CAPN11: variants seen among roughly 807,000 people sequenced by gnomAD.
CAPN11 encodes calpain-11.
CAPN11 carries 108 observed loss-of-function variants against 105.3 expected under a neutral mutation model. The observed-to-expected ratio is 1.03, with a 90% CI of 0.88 to 1.20. CAPN11 has a LOEUF of 1.20. Among genes scored for constraint, CAPN11 ranks in the 50% most tolerant of loss-of-function variants. The probability of loss-of-function intolerance (pLI) is 0.00; values close to 1 mark genes in which losing one functional copy is unlikely to be tolerated. For synonymous variants in CAPN11, 329 were observed against 344.5 expected, an observed-to-expected ratio of 0.96 and a Z score of 0.50; for missense variants, 883 against 924.8, an observed-to-expected ratio of 0.95 and a Z score of 0.59.
intron 2 of CAPN11, chr6:44,168,848 T>C (rs1770466890): frequency 8.3e-6 from 3 of 360,682 alleles, no homozygotes; most frequent in Non-Finnish European, 1.7e-5. Context: ...CTCGAACTCC[T>C]GACCTCAGGT....
intron 4 of CAPN11, among the ~76,000 whole-genome samples, chr6:44,171,877 C>G (rs1174634679): frequency 6.6e-6 from 1 of 152,124 alleles, no homozygotes; most frequent in Non-Finnish European, 1.5e-5. Context: ...ACCAGCGTGG[C>G]CAACATGGTG....
intron 2 of CAPN11, 118 bp from the exon 3 acceptor site, chr6:44,169,163 G>A: frequency 8.4e-7 from 1 of 1,195,692 alleles, no homozygotes; most frequent in Non-Finnish European, 1.2e-6. Flanking sequence ...CAAACTCCTA[G>A]GCTGAAGAGA....
intron 1 of CAPN11, among the ~76,000 whole-genome samples, chr6:44,163,646 C>T (rs1175817070): frequency 2.6e-5 from 4 of 152,170 alleles, no homozygotes; most frequent in Non-Finnish European, 4.4e-5. Context: ...TAATGCACAT[C>T]GGGTGTTTAG....
At chr6:44,161,761 A>G (rs1405348604) in intron 1 of CAPN11, 1 of 455,932 alleles carries the variant, frequency 2.2e-6, no homozygotes, top group African/African-American at 2.0e-5. Context: ...AGTCTTCTCA[A>G]ACAACAGCAT....
In CAPN11 at chr6:44,174,557, GA is replaced by G. The variant is rs372510953; in HGVS notation, c.831+1182del. 2.9e-3 allele frequency among the ~76,000 whole-genome samples: 210 copies of G among 72,970 alleles called. 1 individual carries two copies. Among genetic ancestry groups the G allele is most frequent in the African/African-American group, 8.1e-3 (163 of 20,048 alleles). The allele number at this position is 72,970 out of a possible 152,430, so 47.9% of individuals were successfully genotyped here. The stretch of plus-strand genomic sequence containing the variant: ...AAGAAATTAATTAGCTGAGAAAAAA[GA>G]AAAAAAAAAAGACAATCCCCTCCAA... On this transcript the variant is annotated intron_variant, in intron 7 of 22. Transcript: ENST00000398776.
At chr6:44,162,640 G>T (rs1282323010) in intron 1 of CAPN11, among the ~76,000 whole-genome samples, 2 of 152,140 alleles carry the variant, frequency 1.3e-5, no homozygotes, top group African/African-American at 4.8e-5. Flanking sequence ...GATGTGCTTA[G>T]AATAGGGAAA....
rs147927460 is a variant in CAPN11, at chr6:44,180,974, C to T, written c.1846C>T (p.Arg616Cys). 2.1e-4 allele frequency: 339 copies of T among 1,613,534 alleles called. No homozygotes were observed. The African/African-American group carries it at 3.7e-3, about 18-fold the overall frequency. The change falls in exon 18 of 23, where the codon CGC becomes TGC. Residue 616 changes from arginine (R) to cysteine (C), a missense_variant. Transcript: ENST00000398776. The stretch of plus-strand genomic sequence containing the variant: ...CAAGGGCTTTGGCCTGGATGCTTGC[C>T]GCTGCATGATCAACCTCATGGATGT... ...KTKGFGLDAC[R>C]CMINLMDKDG...
At position 44,176,307 on chromosome 6, in the gene CAPN11, C is replaced by T. The variant is rs755859337; in HGVS notation, c.970C>T (p.Arg324Trp). ...GATTCGGGTCCGGAATCCCTGGGGC[C>T]GGATTGAGTGGAATGGAGCTTGGAG... ...TLIRVRNPWG[R>W]IEWNGAWSDS... is the part of the protein sequence containing the mutation. Residue 324 changes from arginine to tryptophan, a missense_variant, in exon 9 of 23, where the codon CGG (arginine) becomes TGG (tryptophan). Arg to Trp is a moderately radical substitution (Grantham distance 101). Transcript: ENST00000398776. 9.3e-6 allele frequency: 15 copies of T among 1,613,762 alleles called. No individual in the cohort carries two copies. The highest frequency in any genetic ancestry group is 1.6e-4 in the Middle Eastern group (1 of 6,084).
At chr6:44,162,368 G>GACACACACACACACACACACAC (rs57009949) in intron 1 of CAPN11, among the ~76,000 whole-genome samples, 1 of 138,654 alleles carries the variant, frequency 7.2e-6, no homozygotes, top group Admixed American at 7.2e-5. Flanking sequence ...TTTGAATAAA[G>GACACACACACACACACACACAC]ACACACACAC....
intron 2 of CAPN11, among the ~76,000 whole-genome samples, chr6:44,167,388 C>T (rs1770106287): frequency 6.6e-6 from 1 of 150,782 alleles, no homozygotes; most frequent in Admixed American, 6.6e-5. Flanking sequence ...ATCCCAGCTA[C>T]TCAGGAGGCT....
intron 19 of CAPN11, 133 bp from the exon 20 acceptor site, chr6:44,182,808 A>G: frequency 1.5e-6 from 1 of 654,032 alleles, no homozygotes; most frequent in Non-Finnish European, 2.8e-6. Context: ...TCCTGACCTC[A>G]GATGATCCGC....
chr6:44,177,097 G>A (rs1281964274), intron 11 of CAPN11, 99 bp downstream of exon 11: 1 of 1,489,440 alleles, frequency 6.7e-7, no homozygotes, highest in South Asian at 1.2e-5. Context: ...CCGGAGTCAG[G>A]GTCCATGAGG....
At chr6:44,180,226 AG>A in intron 14 of CAPN11, 63 bp downstream of exon 14, 1 of 1,251,974 alleles carries the variant, frequency 8.0e-7, no homozygotes. Context: ...TATCAAGCTC[AG>A]GGAGCTGCTG....
chr6:44,160,327 A>C (rs1281200176), intron 1 of CAPN11, among the ~76,000 whole-genome samples: 2 of 152,294 alleles, frequency 1.3e-5, no homozygotes, highest in African/African-American at 4.8e-5. Context: ...ATTTAGTTAA[A>C]AACGATCTGG....
intron 19 of CAPN11, 130 bp downstream of exon 19, chr6:44,181,450 C>CTCACACACACACACACACTCACAT: frequency 4.6e-6 from 1 of 217,400 alleles, no homozygotes; most frequent in African/African-American, 1.3e-4. Context: ...ACACCACACT[C>CTCACACACACACACACACTCACAT]ACACACACAC....
At chr6:44,163,358 A>G (rs187397439) in intron 1 of CAPN11, among the ~76,000 whole-genome samples, 131 of 152,304 alleles carry the variant, frequency 8.6e-4, no homozygotes, top group African/African-American at 3.0e-3. Context: ...TGACTTCACA[A>G]AGACCACACA....
intron 7 of CAPN11, among the ~76,000 whole-genome samples, chr6:44,174,295 C>T (rs1423537590): frequency 2.0e-5 from 3 of 152,100 alleles, no homozygotes; most frequent in East Asian, 3.9e-4. Flanking sequence ...TATTACACAC[C>T]GTGGAATACT....
At chr6:44,177,076 G>C in intron 11 of CAPN11, 78 bp downstream of exon 11, 14 of 1,534,230 alleles carry the variant, frequency 9.1e-6, no homozygotes, top group Non-Finnish European at 1.1e-5. Flanking sequence ...CCAGACCTGG[G>C]GCACGAGTCA....
Position 44,176,117 on chromosome 6 carries a change from G to C in CAPN11, c.881G>C (p.Arg294Thr), listed in dbSNP as rs576047647. ...TCCATGACTGACAAGATGCTGGTGA[G>C]AGGGCACGCTTACTCTGTGACTGGC... The part of the protein sequence containing the change: ...LESMTDKMLV[R>T]GHAYSVTGLQ... The change falls in exon 8 of 23, where the codon AGA becomes ACA. Residue 294 changes from arginine to threonine, a missense_variant. Arg to Thr is a moderately conservative substitution (Grantham distance 71, BLOSUM62 -1). Transcript: ENST00000398776. 9.9e-6 allele frequency: 16 copies of C among 1,613,222 alleles called. No homozygotes were observed. The East Asian group carries it at 3.3e-4, about 34-fold the overall frequency.
Sources: gnomAD v4.1 joint callset for allele counts (sites outside exome capture counted in the v4.1 genomes callset) on GRCh38, gnomAD v4.1.1 for gene constraint, MANE v1.5 for transcripts, NCBI Gene and HGNC (gene_info 2026-07-23, HGNC 2026-07-21) for gene names.